ZNF518A: variants seen among roughly 807,000 people sequenced by gnomAD.
ZNF518A encodes the protein zinc finger protein 518A, also known as zinc finger protein 518.
In ZNF518A, 47 loss-of-function variants were observed where a neutral mutation model predicts 102.7. The observed-to-expected ratio is 0.46, with a 90% confidence interval of 0.36 to 0.58. The LOEUF is 0.58. Ranked by LOEUF, ZNF518A falls within the 20% of genes least tolerant of loss-of-function variation. The pLI is 0.00. For missense variants in ZNF518A, 1,793 were observed against 1,699.8 expected (o/e 1.05, Z -0.96); for synonymous variants, 652 against 594.6 (o/e 1.10, Z -1.40).
chr10:96,182,979 A>G (rs587696388), intron 1 of ZNF518A, among the ~76,000 whole-genome samples: 103 of 152,246 alleles, frequency 6.8e-4, no homozygotes, highest in African/African-American at 2.3e-3. Context: ...GTAGGCTATT[A>G]ATTATTGCCT....
chr10:96,195,036 T>C (rs1282924163), intron 1 of ZNF518A, among the ~76,000 whole-genome samples: 8 of 152,064 alleles, frequency 5.3e-5, no homozygotes, highest in Non-Finnish European at 1.2e-4. Context: ...CCCAAAGTGC[T>C]GGGATTACAG....
intron 1 of ZNF518A, among the ~76,000 whole-genome samples, chr10:96,173,940 A>T (rs1382408812): frequency 1.3e-5 from 2 of 152,156 alleles, no homozygotes; most frequent in African/African-American, 4.8e-5. Context: ...TTAAATTAGA[A>T]CTTAAAAACA....
rs782720191 is a variant in ZNF518A at position 96,159,435 on chromosome 10, A to C, written c.3113A>C (p.Lys1038Thr). 4 of 1,613,642 alleles carry C rather than the reference A, an allele frequency of 2.5e-6. No individual in the cohort carries two copies. Among genetic ancestry groups the C allele is most frequent in the Non-Finnish European group, 3.4e-6 (4 of 1,179,776 alleles). ...AGCATTGGCAGTTGTTTGAGCATGAAAAGTAGCTCAGAAAATACTTTGCCA... is the reference window on the plus strand; with the variant it reads ...AGCATTGGCAGTTGTTTGAGCATGACAAGTAGCTCAGAAAATACTTTGCCA... The part of the protein sequence containing the change: ...CSSIGSCLSM[K>T]SSSENTLPLK... The change falls in exon 6 of 6, where the codon AAA becomes ACA. Residue 1038 changes from lysine to threonine, a missense_variant. Transcript: ENST00000316045.
intron 3 of ZNF518A, among the ~76,000 whole-genome samples, chr10:96,139,459 G>A (rs1276572861): frequency 1.3e-5 from 2 of 152,128 alleles, no homozygotes; most frequent in Non-Finnish European, 2.9e-5. Context: ...GCTCTATTTT[G>A]TCATGTGAGG....
intron 3 of ZNF518A, among the ~76,000 whole-genome samples, chr10:96,138,995 A>C (rs1439562539): frequency 7.8e-6 from 1 of 128,440 alleles, no homozygotes; most frequent in Non-Finnish European, 1.6e-5. Flanking sequence ...GGCCCTTCTG[A>C]GGTGGTGGCA....
intron 1 of ZNF518A, among the ~76,000 whole-genome samples, chr10:96,175,358 A>C (rs587594806): frequency 6.6e-6 from 1 of 152,272 alleles, no homozygotes; most frequent in South Asian, 2.1e-4. Context: ...ATGGGTCCTG[A>C]TTGCCAGCTG....
At chr10:96,176,791 GA>G (rs1396414913) in intron 1 of ZNF518A, among the ~76,000 whole-genome samples, 1 of 86 alleles carries the variant, frequency 0.012, no homozygotes, top group Non-Finnish European at 0.022. Context: ...AGCTACTCAG[GA>G]GGGCTGACGC....
At chr10:96,204,166 G>T, downstream of ZNF518A, 1 of 1,418,372 alleles carries the variant, frequency 7.1e-7, no homozygotes, top group Non-Finnish European at 1.0e-6. Context: ...CACTGATGAT[G>T]CTGTGAACAG....
At chr10:96,148,939 T>C (rs868972762) in intron 3 of ZNF518A, among the ~76,000 whole-genome samples, 19 of 152,246 alleles carry the variant, frequency 1.2e-4, no homozygotes, top group Middle Eastern at 3.4e-3. Flanking sequence ...ATGGTCTTGA[T>C]CTCCTGACCT....
At chr10:96,194,415 G>C (rs587597297) in intron 1 of ZNF518A, among the ~76,000 whole-genome samples, 2 of 152,208 alleles carry the variant, frequency 1.3e-5, no homozygotes, top group East Asian at 3.9e-4. Flanking sequence ...AAATGTAGGG[G>C]GGAAACACCA....
At chr10:96,190,006 A>G (rs1159494407) in intron 1 of ZNF518A, 5 of 813,526 alleles carry the variant, frequency 6.1e-6, no homozygotes, top group Admixed American at 1.7e-5. Context: ...GTGTTATTTA[A>G]TTGGACTGCC....
chr10:96,131,369 A>G (rs2081328317), intron 1 of ZNF518A, among the ~76,000 whole-genome samples: 2 of 152,218 alleles, frequency 1.3e-5, no homozygotes, highest in Admixed American at 6.5e-5. Flanking sequence ...ATTTCCTAAC[A>G]TTTTTTGAGT....
chr10:96,142,918 T>C (rs1554877115), intron 3 of ZNF518A, among the ~76,000 whole-genome samples: 1 of 152,044 alleles, frequency 6.6e-6, no homozygotes. Context: ...GTGATTCTCA[T>C]GTCTCAGCCT....
At chr10:96,179,409 T>C (rs2083225256) in intron 1 of ZNF518A, among the ~76,000 whole-genome samples, 1 of 152,112 alleles carries the variant, frequency 6.6e-6, no homozygotes, top group Admixed American at 6.6e-5. Context: ...AATTGCTAAT[T>C]AAAGCCACAA....
intron 3 of ZNF518A, among the ~76,000 whole-genome samples, chr10:96,149,383 C>G (rs973605217): frequency 6.6e-6 from 1 of 152,182 alleles, no homozygotes; most frequent in Non-Finnish European, 1.5e-5. Context: ...AGTGCCTACT[C>G]TCTCCCCTGT....
chr10:96,201,017 G>T (rs782358356), intron 1 of ZNF518A: 2 of 1,614,118 alleles, frequency 1.2e-6, no homozygotes, highest in South Asian at 2.2e-5. Flanking sequence ...GAAAAGCTGG[G>T]TAGGGGCCCA....
intron 3 of ZNF518A, among the ~76,000 whole-genome samples, chr10:96,141,724 C>A (rs2081934915): frequency 6.7e-6 from 1 of 150,340 alleles, no homozygotes; most frequent in Admixed American, 6.7e-5. Context: ...CATATTTAAC[C>A]CTACATTTCT....
intron 1 of ZNF518A, among the ~76,000 whole-genome samples, chr10:96,179,234 A>G (rs2083224026): frequency 2.0e-5 from 3 of 152,196 alleles, no homozygotes; most frequent in Admixed American, 2.0e-4. Flanking sequence ...GAAAAATAAA[A>G]TATTCACAAT....
intron 3 of ZNF518A, among the ~76,000 whole-genome samples, chr10:96,145,597 T>TTC (rs2082134856): frequency 6.6e-6 from 1 of 152,248 alleles, no homozygotes; most frequent in Non-Finnish European, 1.5e-5. Context: ...TGTTAAAGTG[T>TTC]TCTCTGCAGT....
Sources: gnomAD v4.1 joint callset for allele counts (sites outside exome capture counted in the v4.1 genomes callset) on GRCh38, gnomAD v4.1.1 for gene constraint, MANE v1.5 for transcripts, NCBI Gene and HGNC (gene_info 2026-07-23, HGNC 2026-07-21) for gene names.